RAB11FIP3: variants seen among roughly 807,000 people sequenced by gnomAD.
The protein encoded by RAB11FIP3 is rab11 family-interacting protein 3.
In RAB11FIP3, 17 loss-of-function variants were observed where a neutral mutation model predicts 77.8. The observed-to-expected ratio is 0.22, with a 90% CI of 0.15 to 0.33. RAB11FIP3 has a LOEUF of 0.33. RAB11FIP3 is among the 10% of genes least tolerant of loss of function. The probability of loss-of-function intolerance (pLI) is 1.00; values close to 1 mark genes in which losing one functional copy is unlikely to be tolerated. For synonymous variants in RAB11FIP3, 437 were observed against 448.2 expected (o/e 0.98, Z 0.31); for missense variants, 1,005 against 1,011.2 (o/e 0.99, Z 0.08).
chr16:495,014 G>T (rs4984885), intron 5 of RAB11FIP3, among the ~76,000 whole-genome samples: 1 of 2,402 alleles, frequency 4.2e-4, no homozygotes, highest in Non-Finnish European at 9.5e-4. Flanking sequence ...CTGCAGAGGT[G>T]GGAGGATCAC....
chr16:496,265 T>G (rs574030439), intron 5 of RAB11FIP3, among the ~76,000 whole-genome samples: 1 of 152,220 alleles, frequency 6.6e-6, no homozygotes, highest in East Asian at 1.9e-4. Context: ...GAAGGTAAGT[T>G]TGGCCCATGT....
rs1567124421 is a variant in RAB11FIP3 at position 522,026 on chromosome 16, T to TGTGTGCGCGCGCGC, written c.*1192_*1193insCGCGCGCGCGTGTG. On this transcript the variant is annotated 3_prime_UTR_variant, in exon 14 of 14. Coordinates refer to ENST00000262305, the MANE Select transcript of RAB11FIP3 (RefSeq NM_014700.4). Reference sequence around the variant, plus strand: ...TCACCAAGACTGGCCACCCGCTGCGTGTGTGTGCGCGCGCGTGTACGTGTG... The same window carrying TGTGTGCGCGCGCGC: ...TCACCAAGACTGGCCACCCGCTGCGTGTGTGCGCGCGCGCGTGTGTGCGCGCGCGTGTACGTGTG... 1 of 58,670 alleles carries TGTGTGCGCGCGCGC rather than the reference T, an allele frequency of 1.7e-5. No homozygotes were observed. Among genetic ancestry groups the TGTGTGCGCGCGCGC allele is most frequent in the East Asian group, 1.4e-3 (1 of 732 alleles). 3.6% of individuals were successfully genotyped at this position (58,670 alleles called of 1,614,324 possible).
chr16:435,225 A>T (rs1269353057), intron 1 of RAB11FIP3, among the ~76,000 whole-genome samples: 1 of 151,768 alleles, frequency 6.6e-6, no homozygotes, highest in African/African-American at 2.4e-5. Context: ...AAAAAAAGTT[A>T]AGGACTATTC....
chr16:456,521 C>T (rs920502464), intron 1 of RAB11FIP3, among the ~76,000 whole-genome samples: 3 of 151,870 alleles, frequency 2.0e-5, no homozygotes, highest in African/African-American at 7.3e-5. Context: ...TTTGGGAGGC[C>T]GAGGTGGGCA....
At position 461,411 on chromosome 16, in the gene RAB11FIP3, A is replaced by G; in HGVS notation, c.722A>G (p.Asp241Gly). 1 of 1,613,684 alleles carries G rather than the reference A, an allele frequency of 6.2e-7. No homozygotes were observed. The highest frequency in any genetic ancestry group is 2.2e-5 in the East Asian group (1 of 44,826). The change falls in exon 2 of 14, where the codon GAC becomes GGC. Residue 241 changes from aspartate (D) to glycine (G), a missense_variant. Transcript: ENST00000262305. The surrounding 1 kb of genome is among the most constrained non-coding windows in gnomAD (Gnocchi z 4.5). ...ATVYGAEQVKDLTKYLDPSGL... is the reference protein window; with the variant it reads ...ATVYGAEQVKGLTKYLDPSGL... ...CTCATTTGGCAATTACAGGTGAAGGACTTAACTAAGTACTTGGATCCCAGT... is the reference window on the plus strand; with the variant it reads ...CTCATTTGGCAATTACAGGTGAAGGGCTTAACTAAGTACTTGGATCCCAGT...
Position 426,377 on chromosome 16 carries a change from C to T in RAB11FIP3, c.371C>T (p.Ser124Phe), listed in dbSNP as rs1474521338. 7.6e-6 allele frequency: 12 copies of T among 1,574,136 alleles called. No individual in the cohort carries two copies. Among genetic ancestry groups the T allele is most frequent in the African/African-American group, 1.4e-5 (1 of 73,264 alleles). The change falls in exon 1 of 14, where the codon TCC becomes TTC. Residue 124 changes from serine to phenylalanine, a missense_variant. Ser to Phe is a radical substitution (Grantham distance 155, BLOSUM62 -2). Around this residue, in one of 4 missense-constraint regions of RAB11FIP3, gnomAD observed 466 missense variants for 408.3 expected, o/e 1.14. Transcript: ENST00000262305. The surrounding 1 kb of genome is among the most constrained non-coding windows in gnomAD (Gnocchi z 5.0). ...APLPELDPLFSWTEEPEECGP... is the reference protein window; with the variant it reads ...APLPELDPLFFWTEEPEECGP... ...CTTCCAGAACTCGACCCGTTGTTCTCCTGGACTGAGGAGCCCGAGGAGTGT... is the reference window on the plus strand; with the variant it reads ...CTTCCAGAACTCGACCCGTTGTTCTTCTGGACTGAGGAGCCCGAGGAGTGT...
At chr16:488,585 G>GT (rs142470457) in intron 4 of RAB11FIP3, among the ~76,000 whole-genome samples, 1,821 of 151,976 alleles carry the variant, frequency 0.012, 37 homozygotes, top group African/African-American at 0.042. Flanking sequence ...ATTTAAAAAT[G>GT]TTTTTTGCAG....
At chr16:491,486 G>T (rs1219900333) in intron 5 of RAB11FIP3, among the ~76,000 whole-genome samples, 3 of 152,242 alleles carry the variant, frequency 2.0e-5, no homozygotes, top group African/African-American at 7.2e-5. Context: ...GTCTTGGTGG[G>T]AGGAAGTGAT....
At chr16:492,363 T>TCCCGGGCCCGAGGCCGCCCAGGGCCCTC in intron 5 of RAB11FIP3, among the ~76,000 whole-genome samples, 1 of 76,236 alleles carries the variant, frequency 1.3e-5, no homozygotes, top group East Asian at 5.8e-4. Context: ...AAGAGGGTCT[T>TCCCGGGCCCGAGGCCGCCCAGGGCCCTC]CCCGGGAGAC....
intron 10 of RAB11FIP3, 87 bp downstream of exon 10, chr16:519,111 G>A: frequency 7.2e-7 from 1 of 1,391,468 alleles, no homozygotes; most frequent in Non-Finnish European, 1.0e-6. Context: ...TGAGCTCTGT[G>A]CTGAGCGGGA....
chr16:501,941 G>T (rs113462247), intron 6 of RAB11FIP3, among the ~76,000 whole-genome samples: 1 of 149,784 alleles, frequency 6.7e-6, no homozygotes, highest in Non-Finnish European at 1.5e-5. Context: ...AGGCAAGGAG[G>T]CTGGGAGAGG....
chr16:436,466 A>G (rs2141850595), intron 1 of RAB11FIP3, among the ~76,000 whole-genome samples: 1 of 147,552 alleles, frequency 6.8e-6, no homozygotes, highest in Non-Finnish European at 1.5e-5. Flanking sequence ...CCAATGTTTC[A>G]TTTATTTATT....
chr16:482,570 T>G lies in RAB11FIP3; in HGVS notation c.949T>G (p.Tyr317Asp). ...DSAYMGSEST[Y>D]SECETFTDED... ...CGCGTACATGGGCTCCGAGAGCACC[T>G]ACAGTGAGTGTGAGACCTTCACGGA... The change falls in exon 4 of 14, where the codon TAC becomes GAC. Residue 317 changes from tyrosine (Y) to aspartate (D), a missense_variant. Transcript: ENST00000262305. 6.2e-7 allele frequency: 1 copy of G among 1,613,654 alleles called. No individual in the cohort carries two copies. Among genetic ancestry groups the G allele is most frequent in the Non-Finnish European group, 8.5e-7 (1 of 1,180,032 alleles).
intron 5 of RAB11FIP3, 38 bp from the exon 6 acceptor site, chr16:496,786 T>C: frequency 6.4e-7 from 1 of 1,552,998 alleles, no homozygotes; most frequent in Non-Finnish European, 8.9e-7. Flanking sequence ...TCTCTGTCTG[T>C]TCTAACAATT....
intron 1 of RAB11FIP3, among the ~76,000 whole-genome samples, chr16:450,855 C>CACCCT (rs1282222458): frequency 2.1e-5 from 3 of 142,798 alleles, no homozygotes; most frequent in East Asian, 4.6e-4. Flanking sequence ...CACCCCACCC[C>CACCCT]ACCCTTAGGA....
chr16:433,294 G>T (rs2055070726), intron 1 of RAB11FIP3, among the ~76,000 whole-genome samples: 1 of 139,708 alleles, frequency 7.2e-6, no homozygotes. Context: ...GCCTCCCAAA[G>T]TACTGGGATT....
chr16:430,117 C>T (rs2055013373), intron 1 of RAB11FIP3, among the ~76,000 whole-genome samples: 1 of 152,066 alleles, frequency 6.6e-6, no homozygotes, highest in Middle Eastern at 3.2e-3. Context: ...AATTTATAGT[C>T]AGATGTGTCC....
At position 520,467 on chromosome 16, in the gene RAB11FIP3, C is replaced by A; in HGVS notation, c.2025C>A (p.Arg675=). 1 of 1,613,452 alleles carries A rather than the reference C, an allele frequency of 6.2e-7. No individual in the cohort carries two copies. Among genetic ancestry groups the A allele is most frequent in the South Asian group, 1.1e-5 (1 of 91,078 alleles). The change falls in exon 13 of 14, where the codon CGC becomes CGA. Residue 675 remains arginine, a synonymous_variant. Coordinates refer to ENST00000262305, the MANE Select transcript of RAB11FIP3 (RefSeq NM_014700.4). ...QEVRRLKQDN[R]NLKEQNEELN... is the part of the protein sequence containing the mutation. ...TGTTGCTGTGCCTTCAGGACAACCGCAACCTGAAGGAGCAGAACGAGGAGC... is the reference window on the plus strand; with the variant it reads ...TGTTGCTGTGCCTTCAGGACAACCGAAACCTGAAGGAGCAGAACGAGGAGC...
chr16:462,719 GTCCCTTCCCCAGCACCA>G (rs2055632973), intron 2 of RAB11FIP3, among the ~76,000 whole-genome samples: 2 of 105,898 alleles, frequency 1.9e-5, no homozygotes, highest in East Asian at 2.8e-4. Context: ...CCCTTCCCCA[GTCCCTTCCCCAGCACCA>G]TCCCTTCCCC....
Sources: gnomAD v4.1 joint callset for allele counts (sites outside exome capture counted in the v4.1 genomes callset) on GRCh38, gnomAD v4.1.1 for gene constraint, gnomAD v4.1.1 regional missense constraint, Gnocchi (gnomAD v3.1) non-coding constraint, MANE v1.5 for transcripts, NCBI Gene and HGNC (gene_info 2026-07-23, HGNC 2026-07-21) for gene names.